Variants in PLAG1 observed in about 807,000 individuals in gnomAD.
The protein encoded by PLAG1 is PLAG1 zinc finger, also known as zinc finger protein PLAG1.
A neutral mutation model predicts 35.5 loss-of-function variants in PLAG1; 7 were observed. That is an observed-to-expected ratio of 0.20 (90% CI 0.11 to 0.37). The LOEUF (loss-of-function observed/expected upper bound fraction) is 0.37. Ranked by LOEUF, PLAG1 falls within the 10% of genes least tolerant of loss-of-function variation. PLAG1 has a pLI of 1.00. For missense variants in PLAG1, 454 were observed against 602.8 expected (o/e 0.75, Z 2.58); for synonymous variants, 229 against 225.4 (o/e 1.02, Z -0.14).
At chr8:56,183,459 A>G (rs7824409) in intron 1 of PLAG1, among the ~76,000 whole-genome samples, 4,411 of 152,262 alleles carry the variant, frequency 0.029, 192 homozygotes, top group African/African-American at 0.096. Context: ...AAAGAATACT[A>G]AGTTATGTGG....
At chr8:56,195,125 T>C (rs913154688) in intron 1 of PLAG1, among the ~76,000 whole-genome samples, 1 of 152,172 alleles carries the variant, frequency 6.6e-6, no homozygotes, top group African/African-American at 2.4e-5. Flanking sequence ...TTATCATAAT[T>C]ATTAGCCAAA....
At chr8:56,185,396 A>AGTTTTTTTTAAC (rs1204222189) in intron 1 of PLAG1, among the ~76,000 whole-genome samples, 8 of 152,218 alleles carry the variant, frequency 5.3e-5, no homozygotes, top group Admixed American at 5.2e-4. Flanking sequence ...GTTAAAAAAC[A>AGTTTTTTTTAAC]ATAAAATGGC....
At chr8:56,194,330 A>C (rs571349771) in intron 1 of PLAG1, among the ~76,000 whole-genome samples, 7 of 152,190 alleles carry the variant, frequency 4.6e-5, no homozygotes, top group South Asian at 2.1e-4. Flanking sequence ...AAAAAAAAAA[A>C]AAAAAAGGAA....
rs1436990601 is a variant in PLAG1 at position 56,161,710 on chromosome 8, TGTA to T, written c.*4530_*4532del. 1.3e-4 allele frequency: 30 copies of T among 228,378 alleles called. No homozygotes were observed. Among genetic ancestry groups the T allele is most frequent in the Non-Finnish European group, 7.0e-5 (8 of 114,670 alleles). 14.1% of individuals were successfully genotyped at this position (228,378 alleles called of 1,614,324 possible). The stretch of plus-strand genomic sequence containing the variant: ...ATATATTGTACACTTTTACACCTAA[TGTA>T]GTCCTTTTTCTATGGATAAAAAAAT... On this transcript the variant is annotated 3_prime_UTR_variant, in exon 5 of 5. Transcript: ENST00000316981.
chr8:56,183,551 C>T (rs1811934527), intron 1 of PLAG1, among the ~76,000 whole-genome samples: 1 of 152,096 alleles, frequency 6.6e-6, no homozygotes, highest in South Asian at 2.1e-4. Flanking sequence ...TAAAAGTATG[C>T]ACTTAAAACT....
At chr8:56,185,652 G>A (rs1396099853) in intron 1 of PLAG1, among the ~76,000 whole-genome samples, 1 of 152,166 alleles carries the variant, frequency 6.6e-6, no homozygotes, top group Admixed American at 6.5e-5. Context: ...AGGTTTTAGA[G>A]CCACATTCTC....
Position 56,162,364 on chromosome 8 carries a change from T to A in PLAG1, c.*3879A>T, listed in dbSNP as rs1327791539. On this transcript the variant is annotated 3_prime_UTR_variant, in exon 5 of 5. Coordinates refer to ENST00000316981, the MANE Select transcript of PLAG1 (RefSeq NM_002655.3). ...TGTGCTTTGAGACACGTAAACCTTG[T>A]AAAAAAATAAACCATTGTAAAACCT... The A allele has an allele frequency of 9.0e-6, 2 of 222,686 alleles. No homozygotes were observed. Among genetic ancestry groups the A allele is most frequent in the African/African-American group, 4.5e-5 (2 of 44,788 alleles). 13.8% of individuals were successfully genotyped at this position (222,686 alleles called of 1,614,324 possible). A position where few individuals can be genotyped will look rare whatever the true frequency, so the allele number is the denominator to read the frequency against.
intron 1 of PLAG1, among the ~76,000 whole-genome samples, chr8:56,199,279 A>C (rs1472236430): frequency 6.6e-6 from 1 of 152,194 alleles, no homozygotes; most frequent in Non-Finnish European, 1.5e-5. Context: ...TTTGCCAAAC[A>C]TGTGGAATCC....
chr8:56,201,801 C>T (rs936657183), intron 1 of PLAG1, among the ~76,000 whole-genome samples: 2 of 152,094 alleles, frequency 1.3e-5, no homozygotes, highest in African/African-American at 4.8e-5. Flanking sequence ...AAAGCAAAGA[C>T]TGATAGGTAG....
chr8:56,179,310 T>C (rs1183166319), intron 2 of PLAG1, 99 bp downstream of exon 2: 1 of 162,270 alleles, frequency 6.2e-6, no homozygotes, highest in South Asian at 2.0e-4. Flanking sequence ...TTATGTGGCA[T>C]GCTTTTCAAA....
intron 1 of PLAG1, among the ~76,000 whole-genome samples, chr8:56,199,896 A>C (rs969952772): frequency 4.6e-5 from 7 of 152,220 alleles, no homozygotes; most frequent in African/African-American, 1.2e-4. Flanking sequence ...AGGAATGAGC[A>C]AAAGGAGAGA....
At chr8:56,179,833 T>A (rs1319646660) in intron 1 of PLAG1, among the ~76,000 whole-genome samples, 2 of 152,106 alleles carry the variant, frequency 1.3e-5, no homozygotes, top group Non-Finnish European at 2.9e-5. Flanking sequence ...ACACCCATTA[T>A]CTTCTCTGCA....
chr8:56,184,489 A>T (rs960948619), intron 1 of PLAG1, among the ~76,000 whole-genome samples: 2 of 152,244 alleles, frequency 1.3e-5, no homozygotes, highest in African/African-American at 4.8e-5. Context: ...GCTATTTACC[A>T]AGAGATCTGA....
intron 2 of PLAG1, among the ~76,000 whole-genome samples, chr8:56,174,687 T>C (rs901945423): frequency 1.3e-5 from 2 of 152,290 alleles, no homozygotes; most frequent in East Asian, 1.9e-4. Flanking sequence ...AGACATAAGA[T>C]AGAATTTACA....
At chr8:56,168,847 A>G (rs1389694990) in intron 3 of PLAG1, among the ~76,000 whole-genome samples, 1 of 152,184 alleles carries the variant, frequency 6.6e-6, no homozygotes, top group African/African-American at 2.4e-5. Flanking sequence ...GAGATAAGCA[A>G]CTGAAAACTC....
intron 2 of PLAG1, among the ~76,000 whole-genome samples, chr8:56,172,658 C>A (rs1811567050): frequency 6.6e-6 from 1 of 152,040 alleles, no homozygotes; most frequent in African/African-American, 2.4e-5. Flanking sequence ...AGGTGAGAGG[C>A]CCACAGAAGA....
chr8:56,175,633 TCTAGGA>T (rs1207934709), intron 2 of PLAG1, among the ~76,000 whole-genome samples: 3 of 152,234 alleles, frequency 2.0e-5, no homozygotes, highest in Non-Finnish European at 2.9e-5. Flanking sequence ...AAAATATAGT[TCTAGGA>T]CATCTTTTTG....
At chr8:56,208,387 T>A (rs1365876089) in intron 1 of PLAG1, among the ~76,000 whole-genome samples, 4 of 152,114 alleles carry the variant, frequency 2.6e-5, no homozygotes, top group African/African-American at 9.7e-5. Flanking sequence ...TTTTAATGAG[T>A]TCTTAGAAAG....
intron 1 of PLAG1, among the ~76,000 whole-genome samples, chr8:56,202,035 C>G (rs1044257946): frequency 1.3e-5 from 2 of 149,266 alleles, no homozygotes; most frequent in African/African-American, 4.9e-5. Context: ...TTTGTAACAT[C>G]TCATCTTTAA....
Sources: gnomAD v4.1 joint callset for allele counts (sites outside exome capture counted in the v4.1 genomes callset) on GRCh38, gnomAD v4.1.1 for gene constraint, MANE v1.5 for transcripts, NCBI Gene and HGNC (gene_info 2026-07-23, HGNC 2026-07-21) for gene names.